PDE7A: variants seen among roughly 807,000 people sequenced by gnomAD.
PDE7A encodes the protein high affinity 3',5'-cyclic-AMP phosphodiesterase 7A.
In PDE7A, 39 loss-of-function variants were observed where a neutral mutation model predicts 64.3. The observed-to-expected ratio is 0.61, with a 90% confidence interval of 0.47 to 0.79. The LOEUF is 0.79. Ranked by LOEUF, PDE7A falls within the 30% of genes least tolerant of loss-of-function variation. PDE7A has a pLI of 0.00. For missense variants in PDE7A, 470 were observed against 582.8 expected (o/e 0.81, Z 1.99); for synonymous variants, 203 against 206.8 (o/e 0.98, Z 0.16).
intron 3 of PDE7A, among the ~76,000 whole-genome samples, chr8:65,767,727 G>A (rs927249084): frequency 1.4e-4 from 22 of 152,248 alleles, no homozygotes; most frequent in South Asian, 4.2e-4. Context: ...GGAGGGTGGC[G>A]TCCCAGGGAA....
intron 6 of PDE7A, 128 bp from the exon 7 acceptor site, chr8:65,735,022 G>A (rs942262629): frequency 2.3e-5 from 15 of 642,042 alleles, no homozygotes; most frequent in East Asian, 5.4e-5. Context: ...GTGCCGATTC[G>A]GGCAGATGAT....
intron 3 of PDE7A, among the ~76,000 whole-genome samples, chr8:65,750,471 TCA>T (rs1442089298): frequency 2.3e-5 from 3 of 132,616 alleles, no homozygotes; most frequent in Non-Finnish European, 3.2e-5. Flanking sequence ...TAAATTAGAA[TCA>T]CTGTGTGTGT....
chr8:65,757,672 G>A (rs1285465629), intron 3 of PDE7A, among the ~76,000 whole-genome samples: 1 of 152,184 alleles, frequency 6.6e-6, no homozygotes, highest in East Asian at 1.9e-4. Context: ...AGGCTGAAGT[G>A]CAGTGGCATG....
rs191111665 is a variant in PDE7A at position 65,714,994 on chromosome 8, C to T, written c.*4296G>A. On this transcript the variant is annotated 3_prime_UTR_variant, in exon 13 of 13. Transcript: ENST00000401827. ...CAATTTTTCTTTTTTAAAGTTAGGACTTGTCAAAATTTTCTCTCCAAGGAC... is the reference window on the plus strand; with the variant it reads ...CAATTTTTCTTTTTTAAAGTTAGGATTTGTCAAAATTTTCTCTCCAAGGAC... Among the ~76,000 whole-genome samples the T allele has an allele frequency of 4.2e-3, 638 of 152,078 alleles. 4 individuals are homozygous for T. The highest frequency in any genetic ancestry group is 6.8e-3 in the Middle Eastern group (2 of 294).
At chr8:65,752,110 T>A (rs1476512829) in intron 3 of PDE7A, among the ~76,000 whole-genome samples, 1 of 152,358 alleles carries the variant, frequency 6.6e-6, no homozygotes, top group Admixed American at 6.5e-5. Context: ...TGAGATATCA[T>A]CCTCTAATTT....
chr8:65,765,141 C>T (rs1808702826), intron 3 of PDE7A, among the ~76,000 whole-genome samples: 1 of 152,158 alleles, frequency 6.6e-6, no homozygotes, highest in Non-Finnish European at 1.5e-5. Context: ...CTGAAAGGTC[C>T]CCCTGCTGCC....
chr8:65,748,167 G>C (rs771482837), intron 3 of PDE7A, among the ~76,000 whole-genome samples: 2 of 151,644 alleles, frequency 1.3e-5, no homozygotes, highest in Non-Finnish European at 2.9e-5. Context: ...TAAACATGGA[G>C]CAGAAACATG....
chr8:65,810,496 T>TA (rs796192930), intron 1 of PDE7A, among the ~76,000 whole-genome samples: 8 of 152,034 alleles, frequency 5.3e-5, no homozygotes, highest in Middle Eastern at 3.2e-3. Flanking sequence ...TAAAGTGTAA[T>TA]AAAAAAAGTA....
chr8:65,780,124 AT>A (rs1234687185), intron 2 of PDE7A, among the ~76,000 whole-genome samples: 312 of 144,952 alleles, frequency 2.2e-3, no homozygotes, highest in Middle Eastern at 7.1e-3. Flanking sequence ...CATGGGCAAC[AT>A]TTTTTTTTTT....
chr8:65,798,421 G>C (rs1242678650), intron 1 of PDE7A, among the ~76,000 whole-genome samples: 1 of 151,786 alleles, frequency 6.6e-6, no homozygotes, highest in Non-Finnish European at 1.5e-5. Context: ...TGTTGGCCAG[G>C]CTGGTCTCGA....
chr8:65,798,206 A>ATATATATTTTTTTT, intron 1 of PDE7A, among the ~76,000 whole-genome samples: 4 of 73,834 alleles, frequency 5.4e-5, no homozygotes, highest in African/African-American at 1.2e-4. Context: ...ATATATATAT[A>ATATATATTTTTTTT]TTTTTTTTTT....
chr8:65,817,698 G>A (rs1253644727), intron 1 of PDE7A, among the ~76,000 whole-genome samples: 1 of 151,836 alleles, frequency 6.6e-6, no homozygotes, highest in Non-Finnish European at 1.5e-5. Flanking sequence ...GGTTTTAGGG[G>A]AGAACACTAC....
intron 1 of PDE7A, among the ~76,000 whole-genome samples, chr8:65,795,018 A>T (rs1809801701): frequency 6.6e-6 from 1 of 152,216 alleles, no homozygotes; most frequent in East Asian, 1.9e-4. Context: ...AGAAAGAGCA[A>T]TATGTACAAA....
intron 7 of PDE7A, among the ~76,000 whole-genome samples, chr8:65,730,437 C>T (rs1276543791): frequency 1.3e-5 from 2 of 151,848 alleles, no homozygotes; most frequent in Non-Finnish European, 2.9e-5. Flanking sequence ...GCCTCAGCCT[C>T]CCAAAGTGCT....
chr8:65,809,383 CA>C (rs200571841), intron 1 of PDE7A, among the ~76,000 whole-genome samples: 4 of 150,814 alleles, frequency 2.7e-5, no homozygotes, highest in South Asian at 4.2e-4. Flanking sequence ...ATCTTTGTAT[CA>C]AAAAAAAGTT....
At position 65,745,367 on chromosome 8, in the gene PDE7A, T is replaced by C. The variant is rs780333746; in HGVS notation, c.499+40A>G. On this transcript the variant is annotated intron_variant, in intron 5 of 12. Transcript: ENST00000401827. ...CGGCTGCACCATCAATGCAGTAATCTAGACTACATTAACTTGAGCAAGTCA... is the reference window on the plus strand; with the variant it reads ...CGGCTGCACCATCAATGCAGTAATCCAGACTACATTAACTTGAGCAAGTCA... 40 of 1,139,690 alleles carry C rather than the reference T, an allele frequency of 3.5e-5. No individual in the cohort carries two copies. In the Admixed American group the frequency reaches 6.6e-4, roughly 19 times the overall value. 70.6% of individuals were successfully genotyped at this position (1,139,690 alleles called of 1,614,324 possible). A position where few individuals can be genotyped will look rare whatever the true frequency, so the allele number is the denominator to read the frequency against.
At chr8:65,764,719 G>A (rs1246019465) in intron 3 of PDE7A, among the ~76,000 whole-genome samples, 3 of 151,904 alleles carry the variant, frequency 2.0e-5, no homozygotes, top group Non-Finnish European at 4.4e-5. Flanking sequence ...CTTCTTTCAT[G>A]TCATAATACA....
intron 5 of PDE7A, among the ~76,000 whole-genome samples, chr8:65,739,839 C>T (rs889775395): frequency 6.6e-6 from 1 of 152,104 alleles, no homozygotes; most frequent in African/African-American, 2.4e-5. Context: ...GAAAACTAGA[C>T]ATTTTCAAAT....
At position 65,719,459 on chromosome 8, in the gene PDE7A, T is replaced by A; in HGVS notation, c.1280A>T (p.Glu427Val). ...CCTTGTATTGGAAAACCTGGCCCAT[T>A]CTGTAAATAAAGGCTCCACTAGGTA... ...MTYLVEPLFT[E>V]WARFSNTRLS... Residue 427 changes from glutamate (E) to valine (V), a missense_variant, in exon 13 of 13, where the codon GAA becomes GTA. Glu to Val is a moderately radical substitution (Grantham distance 121, BLOSUM62 -2). Transcript: ENST00000401827. 2.5e-6 allele frequency: 4 copies of A among 1,614,018 alleles called. No individual in the cohort carries two copies.
Sources: gnomAD v4.1 joint callset for allele counts (sites outside exome capture counted in the v4.1 genomes callset) on GRCh38, gnomAD v4.1.1 for gene constraint, MANE v1.5 for transcripts, NCBI Gene and HGNC (gene_info 2026-07-23, HGNC 2026-07-21) for gene names.